The following CATSPERT variants were observed in gnomAD, a reference collection of about 807,000 sequenced individuals.
CATSPERT encodes cation channel sperm-associated targeting subunit tau.
chr2:201,616,263 A>G, the CATSPERT span, among the ~76,000 whole-genome samples: 15 of 152,236 alleles, frequency 9.9e-5, no homozygotes, highest in Admixed American at 7.2e-4. Flanking sequence ...AAAACAGAGA[A>G]TTTTAGACCA....
At chr2:201,493,043 G>A in the CATSPERT span, 1 of 1,536,274 alleles carries the variant, frequency 6.5e-7, no homozygotes, top group Non-Finnish European at 8.7e-7. Context: ...AAAGAAGGTT[G>A]AATTAGTCTT....
chr2:201,525,287 G>A, the CATSPERT span, among the ~76,000 whole-genome samples: 2 of 152,038 alleles, frequency 1.3e-5, no homozygotes, highest in South Asian at 2.1e-4. Flanking sequence ...CAAAAATACA[G>A]ATCAATACTA....
At chr2:201,539,309 T>A in the CATSPERT span, among the ~76,000 whole-genome samples, 1 of 152,098 alleles carries the variant, frequency 6.6e-6, no homozygotes, top group East Asian at 1.9e-4. Context: ...CCTTTTTCTC[T>A]GCAACCTTGC....
At chr2:201,610,281 C>T in the CATSPERT span, among the ~76,000 whole-genome samples, 7 of 151,924 alleles carry the variant, frequency 4.6e-5, no homozygotes, top group African/African-American at 1.2e-4. Flanking sequence ...AGTGAAACCC[C>T]GTCTCTACTA....
chr2:201,498,426 A>G, the CATSPERT span, among the ~76,000 whole-genome samples: 1 of 152,130 alleles, frequency 6.6e-6, no homozygotes, highest in Non-Finnish European at 1.5e-5. Context: ...GTGAGCCAGA[A>G]GACTCAGCAA....
chr2:201,493,570 G>A, the CATSPERT span: 1 of 1,537,002 alleles, frequency 6.5e-7, no homozygotes, highest in Non-Finnish European at 8.7e-7. Context: ...GCTTGTAGCA[G>A]ATCTGGGCTG....
At chr2:201,565,748 G>A in the CATSPERT span, 19 of 1,548,300 alleles carry the variant, frequency 1.2e-5, no homozygotes, top group Non-Finnish European at 1.7e-5. Flanking sequence ...GGTTGTTGCT[G>A]AAGTTTTTCA....
the CATSPERT span, among the ~76,000 whole-genome samples, chr2:201,523,155 C>T: frequency 2.6e-5 from 4 of 152,162 alleles, no homozygotes; most frequent in African/African-American, 7.2e-5. Flanking sequence ...TGGACCTTGC[C>T]GCTGCCATCA....
the CATSPERT span, chr2:201,547,612 T>C: frequency 2.8e-6 from 4 of 1,448,284 alleles, no homozygotes; most frequent in Non-Finnish European, 3.8e-6. Context: ...TTTTCCAGCC[T>C]AAAGAAAGAA....
the CATSPERT span, among the ~76,000 whole-genome samples, chr2:201,551,963 T>C: frequency 2.0e-5 from 3 of 151,882 alleles, no homozygotes; most frequent in Non-Finnish European, 4.4e-5. Flanking sequence ...CTTTCTTGTT[T>C]CTTTCTTTCT....
chr2:201,600,914 G>A, the CATSPERT span, among the ~76,000 whole-genome samples: 246 of 152,162 alleles, frequency 1.6e-3, 1 homozygote, highest in African/African-American at 5.5e-3. Flanking sequence ...ACCATGCCTG[G>A]CTAATTTTTG....
chr2:201,542,488 C>G, the CATSPERT span, among the ~76,000 whole-genome samples: 1 of 152,202 alleles, frequency 6.6e-6, no homozygotes, highest in Non-Finnish European at 1.5e-5. Context: ...ATTCCCCCAA[C>G]AGTGTACTAG....
chr2:201,564,736 G>A, the CATSPERT span, among the ~76,000 whole-genome samples: 1 of 152,128 alleles, frequency 6.6e-6, no homozygotes, highest in African/African-American at 2.4e-5. Flanking sequence ...AAACCAGGAA[G>A]AGGGCCCTCA....
the CATSPERT span, among the ~76,000 whole-genome samples, chr2:201,599,208 C>A: frequency 1.3e-5 from 2 of 152,142 alleles, no homozygotes; most frequent in Non-Finnish European, 2.9e-5. Flanking sequence ...TACAGTCATA[C>A]TTCTGTAAGT....
the CATSPERT span, chr2:201,604,838 A>G: frequency 2.2e-6 from 1 of 444,640 alleles, no homozygotes; most frequent in Non-Finnish European, 3.9e-6. Context: ...TAAGAAACTC[A>G]TCCCTATCCT....
At chr2:201,524,134 G>A in the CATSPERT span, among the ~76,000 whole-genome samples, 1 of 151,648 alleles carries the variant, frequency 6.6e-6, no homozygotes, top group Non-Finnish European at 1.5e-5. Context: ...CCATCACCAA[G>A]ACATATAGAT....
At chr2:201,493,218 G>T in the CATSPERT span, 2 of 1,535,778 alleles carry the variant, frequency 1.3e-6, no homozygotes. Context: ...GATCATTTTT[G>T]TCTTTACAAA....
chr2:201,491,579 C>T, the CATSPERT span: 1 of 1,536,948 alleles, frequency 6.5e-7, no homozygotes, highest in South Asian at 1.2e-5. Context: ...TTTGATTTTT[C>T]CCCAGTCTCT....
the CATSPERT span, among the ~76,000 whole-genome samples, chr2:201,499,744 G>A: frequency 6.6e-6 from 1 of 151,664 alleles, no homozygotes; most frequent in East Asian, 1.9e-4. Context: ...TGAGGTGGGG[G>A]ATCACTTGAG....
Sources: allele counts gnomAD v4.1 joint callset (sites outside exome capture counted in the v4.1 genomes callset), GRCh38; gene constraint gnomAD v4.1.1; transcripts MANE v1.5; gene names NCBI Gene and HGNC (gene_info 2026-07-23, HGNC 2026-07-21).